ATP2A2: variants seen among roughly 807,000 people sequenced by gnomAD.
ATP2A2 encodes the protein sarcoplasmic/endoplasmic reticulum calcium ATPase 2.
ATP2A2 carries 14 observed loss-of-function variants against 109.3 expected under a neutral mutation model. The observed-to-expected ratio is 0.13, with a 90% CI of 0.08 to 0.20. The LOEUF is 0.20. ATP2A2 is among the 10% of genes least tolerant of loss of function. ATP2A2 has a pLI of 1.00. For synonymous variants in ATP2A2, 506 were observed against 490.9 expected (o/e 1.03, Z -0.41); for missense variants, 657 against 1,321.6 (o/e 0.50, Z 7.80).
Position 110,348,208 on chromosome 12 carries a change from A to G in ATP2A2, c.*1738A>G, listed in dbSNP as rs1880064184. 2.0e-6 allele frequency: 2 copies of G among 985,264 alleles called. No homozygotes were observed. The highest frequency in any genetic ancestry group is 3.5e-5 in the African/African-American group (2 of 57,196). The allele number at this position is 985,264 out of a possible 1,614,324, so 61.0% of individuals were successfully genotyped here. On this transcript the variant is annotated 3_prime_UTR_variant, in exon 20 of 20. Coordinates refer to ENST00000539276, the MANE Select transcript of ATP2A2 (RefSeq NM_170665.4). ...AAAACTAGTGAAAGCAAGTAACTGA[A>G]CCAGTGAACTCTGGGTATCGATAGG...
At position 110,349,118 on chromosome 12, in the gene ATP2A2, G is replaced by T; in HGVS notation, c.*2648G>T. On this transcript the variant is annotated 3_prime_UTR_variant, in exon 20 of 20. Coordinates refer to ENST00000539276, the MANE Select transcript of ATP2A2 (RefSeq NM_170665.4). ...CCCTTGGTCCAGACAGCTGGGAGTG[G>T]GTTAGGCCCACTGCTGTTTTGAGCA... 1.0e-6 allele frequency: 1 copy of T among 985,446 alleles called. No individual in the cohort carries two copies. Among genetic ancestry groups the T allele is most frequent in the Non-Finnish European group, 1.2e-6 (1 of 829,962 alleles). The allele number at this position is 985,446 out of a possible 1,614,324, so 61.0% of individuals were successfully genotyped here.
Position 110,347,103 on chromosome 12 carries a change from A to C in ATP2A2, c.*633A>C. ...GATTGTGATGGTTCGTTCTGTTTACATCAGTTTTAACGAGAGGTATGCCTG... is the reference window on the plus strand; with the variant it reads ...GATTGTGATGGTTCGTTCTGTTTACCTCAGTTTTAACGAGAGGTATGCCTG... On this transcript the variant is annotated 3_prime_UTR_variant, in exon 20 of 20. Transcript: ENST00000539276. 9.0e-7 allele frequency: 1 copy of C among 1,105,092 alleles called. No individual in the cohort carries two copies. The highest frequency in any genetic ancestry group is 1.1e-6 in the Non-Finnish European group (1 of 910,070). 68.5% of individuals were successfully genotyped at this position (1,105,092 alleles called of 1,614,324 possible). A position where few individuals can be genotyped will look rare whatever the true frequency, so the allele number is the denominator to read the frequency against.
At chr12:110,291,936 C>A in intron 3 of ATP2A2, 84 bp from the exon 4 acceptor site, 1 of 1,224,072 alleles carries the variant, frequency 8.2e-7, no homozygotes, top group Non-Finnish European at 1.2e-6. Flanking sequence ...CCTGAGCCAC[C>A]ATGCTCGGCC....
Position 110,292,041 on chromosome 12 carries a change from G to A in ATP2A2, c.241G>A (p.Gly81Ser), listed in dbSNP as rs1873372435. ...ISFVLAWFEE[G>S]EETITAFVEP... Reference sequence around the variant, plus strand: ...CTAGGTTTTGGCTTGGTTTGAAGAAGGTGAAGAAACAATTACAGCCTTTGT... The same window carrying A: ...CTAGGTTTTGGCTTGGTTTGAAGAAAGTGAAGAAACAATTACAGCCTTTGT... The change falls in exon 4 of 20, where the codon GGT becomes AGT. Residue 81 changes from glycine (G) to serine (S), a missense_variant. Transcript: ENST00000539276. 6.2e-7 allele frequency: 1 copy of A among 1,613,988 alleles called. No individual in the cohort carries two copies. The highest frequency in any genetic ancestry group is 8.5e-7 in the Non-Finnish European group (1 of 1,180,004).
chr12:110,346,168 C>T, intron 19 of ATP2A2, 33 bp from the exon 20 acceptor site: 1 of 1,614,140 alleles, frequency 6.2e-7, no homozygotes, highest in East Asian at 2.2e-5. Flanking sequence ...CCAGGGGAGG[C>T]TGGAGGCGTG....
chr12:110,305,636 G>A (rs1875208400), intron 5 of ATP2A2, among the ~76,000 whole-genome samples: 1 of 152,178 alleles, frequency 6.6e-6, no homozygotes, highest in African/African-American at 2.4e-5. Context: ...TGTCTTGATA[G>A]CTAGCTGTCG....
rs137950807 is a variant in ATP2A2 at position 110,344,586 on chromosome 12, G to A, written c.2522-300G>A. ...GCAGCCTTGAAGTACTACCCACTGAGGGGAGAAGGCACGGCAAGGGGAAAG... is the reference window on the plus strand; with the variant it reads ...GCAGCCTTGAAGTACTACCCACTGAAGGGAGAAGGCACGGCAAGGGGAAAG... On this transcript the variant is annotated intron_variant, in intron 16 of 19. Coordinates refer to ENST00000539276, the MANE Select transcript of ATP2A2 (RefSeq NM_170665.4). 1.9e-3 allele frequency among the ~76,000 whole-genome samples: 292 copies of A among 152,344 alleles called. 1 individual carries two copies. Among genetic ancestry groups the A allele is most frequent in the African/African-American group, 6.7e-3 (279 of 41,576 alleles).
In ATP2A2 at chr12:110,343,289, C is replaced by G. The variant is rs1367168010; in HGVS notation, c.2376C>G (p.Leu792=). The G allele has an allele frequency of 1.9e-6, 3 of 1,614,156 alleles. No homozygotes were observed. The highest frequency in any genetic ancestry group is 1.1e-5 in the South Asian group (1 of 91,088). Residue 792 remains leucine, a synonymous_variant, in exon 16 of 20, where the codon CTC becomes CTG. Coordinates refer to ENST00000539276, the MANE Select transcript of ATP2A2 (RefSeq NM_170665.4). ...AGGCTTTGATTCCTGTTCAGCTGCTCTGGGTCAATCTGGTGACAGATGGCC... is the reference window on the plus strand; with the variant it reads ...AGGCTTTGATTCCTGTTCAGCTGCTGTGGGTCAATCTGGTGACAGATGGCC... The part of the protein sequence containing the change: ...FPEALIPVQL[L]WVNLVTDGLP...
chr12:110,314,866 CTTTTTTT>C (rs372770725), intron 5 of ATP2A2, among the ~76,000 whole-genome samples: 1 of 139,094 alleles, frequency 7.2e-6, no homozygotes. Flanking sequence ...AGAAGATACA[CTTTTTTT>C]TTTTTTTTTT....
intron 10 of ATP2A2, among the ~76,000 whole-genome samples, chr12:110,333,765 T>A (rs1298967457): frequency 6.6e-6 from 1 of 152,232 alleles, no homozygotes; most frequent in Non-Finnish European, 1.5e-5. Flanking sequence ...TAATAAATAC[T>A]GTGTTTGATG....
chr12:110,335,958 A>C (rs776157399), intron 11 of ATP2A2, among the ~76,000 whole-genome samples: 1 of 152,200 alleles, frequency 6.6e-6, no homozygotes, highest in Non-Finnish European at 1.5e-5. Context: ...CTCCTACACT[A>C]TCTTAGAGTG....
chr12:110,343,543 G>A, intron 16 of ATP2A2, 109 bp downstream of exon 16: 6 of 1,278,522 alleles, frequency 4.7e-6, no homozygotes, highest in Non-Finnish European at 6.7e-6. Flanking sequence ...CCCGTATAGG[G>A]TAGCAAAAGA....
In ATP2A2 at chr12:110,347,334, G is replaced by GTCTT; in HGVS notation, c.*866_*869dup. On this transcript the variant is annotated 3_prime_UTR_variant, in exon 20 of 20. Transcript: ENST00000539276. ...ATGGACAGAGAAAAATAACTGTCTT[G>GTCTT]TCTTTAACTCGTAAGTGGCTTACCT... 2.3e-6 allele frequency: 3 copies of GTCTT among 1,286,096 alleles called. No individual in the cohort carries two copies. The highest frequency in any genetic ancestry group is 3.0e-6 in the Non-Finnish European group (3 of 986,438). 79.7% of individuals were successfully genotyped at this position (1,286,096 alleles called of 1,614,324 possible).
intron 16 of ATP2A2, among the ~76,000 whole-genome samples, 193 bp downstream of exon 16, chr12:110,343,627 T>G (rs986648219): frequency 2.0e-5 from 3 of 152,216 alleles, no homozygotes; most frequent in Non-Finnish European, 2.9e-5. Flanking sequence ...AGTTCCAGTT[T>G]TAGCATCCTG....
chr12:110,287,588 T>C (rs371625902), intron 3 of ATP2A2, among the ~76,000 whole-genome samples: 96 of 152,322 alleles, frequency 6.3e-4, no homozygotes, highest in African/African-American at 2.3e-3. Flanking sequence ...TACTTTTCTT[T>C]GCTGCTGTTC....
In ATP2A2 at chr12:110,327,778, G is replaced by A. The variant is rs1877950629; in HGVS notation, c.856G>A (p.Gly286Arg). ...IGHFNDPVHGGSWIRGAIYYF... is the reference protein window; with the variant it reads ...IGHFNDPVHGRSWIRGAIYYF... ...GCACTTCAATGACCCGGTTCATGGA[G>A]GGTCCTGGATCAGAGGTGCTATTTA... Residue 286 changes from glycine (G) to arginine (R), a missense_variant, in exon 8 of 20, where the codon GGG becomes AGG. By Grantham distance (125) the Gly-to-Arg change is moderately radical. This residue lies in a region of ATP2A2 where 136 missense variants were observed against 343.9 expected (regional missense o/e 0.40). Transcript: ENST00000539276. The surrounding 1 kb of genome is among the most constrained non-coding windows in gnomAD (Gnocchi z 4.4). 1 of 1,614,038 alleles carries A rather than the reference G, an allele frequency of 6.2e-7. No homozygotes were observed. The highest frequency in any genetic ancestry group is 8.5e-7 in the Non-Finnish European group (1 of 1,180,032).
chr12:110,291,490 G>A (rs1286538137), intron 3 of ATP2A2, among the ~76,000 whole-genome samples: 2 of 152,072 alleles, frequency 1.3e-5, no homozygotes, highest in Non-Finnish European at 2.9e-5. Flanking sequence ...ACAGGTGTGA[G>A]CCACTGTGCC....
intron 5 of ATP2A2, among the ~76,000 whole-genome samples, chr12:110,321,954 C>G (rs1361470313): frequency 6.6e-6 from 1 of 152,108 alleles, no homozygotes; most frequent in Non-Finnish European, 1.5e-5. Flanking sequence ...TAAAGATCTT[C>G]AGGTTATGCA....
intron 3 of ATP2A2, among the ~76,000 whole-genome samples, chr12:110,287,175 C>T (rs1242333636): frequency 6.6e-6 from 1 of 152,126 alleles, no homozygotes; most frequent in Non-Finnish European, 1.5e-5. Context: ...ATCGCTTGAA[C>T]CCGGGAGGCG....
Sources: gnomAD v4.1 joint callset for allele counts (sites outside exome capture counted in the v4.1 genomes callset) on GRCh38, gnomAD v4.1.1 for gene constraint, gnomAD v4.1.1 regional missense constraint, Gnocchi (gnomAD v3.1) non-coding constraint, MANE v1.5 for transcripts, NCBI Gene and HGNC (gene_info 2026-07-23, HGNC 2026-07-21) for gene names.